The following CDC16 variants were observed in gnomAD, a reference collection of about 807,000 sequenced individuals.
CDC16 encodes the protein cell division cycle protein 16 homolog.
A neutral mutation model predicts 87.0 loss-of-function variants in CDC16; 34 were observed. The observed-to-expected ratio is 0.39, with a 90% confidence interval of 0.30 to 0.52. The LOEUF (loss-of-function observed/expected upper bound fraction) is 0.52. Among genes scored for constraint, CDC16 ranks in the 20% least tolerant of loss-of-function variants. The pLI is 0.74. For synonymous variants in CDC16, 263 were observed against 260.6 expected (o/e 1.01, Z -0.09); for missense variants, 653 against 751.9 (o/e 0.87, Z 1.54).
intron 14 of CDC16, among the ~76,000 whole-genome samples, chr13:114,261,457 A>G (rs1298114552): frequency 1.3e-5 from 2 of 152,080 alleles, no homozygotes; most frequent in Non-Finnish European, 2.9e-5. Context: ...TGGGGGTGCC[A>G]TTCACTGACT....
chr13:114,272,336 T>G lies in CDC16; in HGVS notation c.1756T>G (p.Ser586Ala). 3 of 1,614,186 alleles carry G rather than the reference T, an allele frequency of 1.9e-6. No homozygotes were observed. Among genetic ancestry groups the G allele is most frequent in the Non-Finnish European group, 2.5e-6 (3 of 1,179,992 alleles). Residue 586 changes from serine (S) to alanine (A), a missense_variant, in exon 18 of 18, where the codon TCA becomes GCA. Physicochemically the swap from Ser to Ala is moderately conservative, Grantham distance 99. Transcript: ENST00000356221. ...AACGGGGCTTACGCCATTGGAAACC[T>G]CAAGGAAAACTCCAGATTCCAGACC... ...EETGLTPLETSRKTPDSRPSL... is the reference protein window; with the variant it reads ...EETGLTPLETARKTPDSRPSL...
chr13:114,261,816 A>G, intron 14 of CDC16, 71 bp from the exon 15 acceptor site: 1 of 1,074,044 alleles, frequency 9.3e-7, no homozygotes, highest in South Asian at 1.5e-5. Flanking sequence ...GGCGTGAAAT[A>G]ATTCAGTGCA....
At chr13:114,260,611 C>T (rs1047169869) in intron 14 of CDC16, among the ~76,000 whole-genome samples, 1 of 152,146 alleles carries the variant, frequency 6.6e-6, no homozygotes, top group Non-Finnish European at 1.5e-5. Context: ...GATTAAGGGG[C>T]ACTAAATTTA....
intron 5 of CDC16, 45 bp from the exon 6 acceptor site, chr13:114,242,070 GTTAAGT>G (rs771664308): frequency 2.0e-6 from 3 of 1,534,742 alleles, no homozygotes; most frequent in Non-Finnish European, 2.6e-6. Flanking sequence ...AAAAAAAAAA[GTTAAGT>G]TTAAAAGTAC....
intron 6 of CDC16, 104 bp downstream of exon 6, chr13:114,242,384 T>G: frequency 1.0e-6 from 1 of 989,808 alleles, no homozygotes; most frequent in Non-Finnish European, 1.5e-6. Context: ...ACATACAGGT[T>G]TAAATAGACC....
intron 13 of CDC16, 34 bp from the exon 14 acceptor site, chr13:114,259,301 G>A (rs752358343): frequency 2.0e-5 from 30 of 1,521,174 alleles, no homozygotes; most frequent in Middle Eastern, 1.9e-4. Flanking sequence ...TGCTAATTTC[G>A]AATAATCTGC....
chr13:114,257,374 AAAG>A (rs1459006001), intron 13 of CDC16, 144 bp downstream of exon 13: 8 of 596,296 alleles, frequency 1.3e-5, no homozygotes, highest in East Asian at 6.0e-5. Context: ...GATAGAAAAA[AAAG>A]AGAGAAACTG....
chr13:114,241,090 G>A (rs146115668), intron 5 of CDC16, among the ~76,000 whole-genome samples: 4 of 151,986 alleles, frequency 2.6e-5, no homozygotes, highest in African/African-American at 7.3e-5. Flanking sequence ...TTATGTGTTC[G>A]AGGTCCAGAG....
At chr13:114,261,334 G>T (rs1295153492) in intron 14 of CDC16, among the ~76,000 whole-genome samples, 1 of 152,014 alleles carries the variant, frequency 6.6e-6, no homozygotes, top group Non-Finnish European at 1.5e-5. Context: ...TTTATGATTG[G>T]GGCCCAGATT....
At chr13:114,270,914 C>CTTTTTTT (rs571053869) in intron 17 of CDC16, among the ~76,000 whole-genome samples, 4 of 101,140 alleles carry the variant, frequency 4.0e-5, no homozygotes, top group African/African-American at 1.1e-4. Context: ...AGAGATTTAC[C>CTTTTTTT]TTTTTTTTTT....
chr13:114,272,077 T>G, intron 17 of CDC16, 107 bp from the exon 18 acceptor site: 1 of 627,454 alleles, frequency 1.6e-6, no homozygotes, highest in South Asian at 2.6e-5. Context: ...TATTTTATTC[T>G]AAATAGTATA....
Position 114,238,044 on chromosome 13 carries a change from G to T in CDC16, c.202-946G>T, listed in dbSNP as rs191106820. Among the ~76,000 whole-genome samples the T allele has an allele frequency of 6.2e-3, 939 of 151,970 alleles. 8 individuals are homozygous for T. Among genetic ancestry groups the T allele is most frequent in the African/African-American group, 0.022 (901 of 41,504 alleles). On this transcript the variant is annotated intron_variant, in intron 3 of 17. Transcript: ENST00000356221. ...TACCTGGAGCACGTGCTCCAGTCAC[G>T]TGGTGCTGCTGTGAGCTCCTTGGAC...
In CDC16 at chr13:114,238,297, C is replaced by T. The variant is rs113842621; in HGVS notation, c.202-693C>T. On this transcript the variant is annotated intron_variant, in intron 3 of 17. Transcript: ENST00000356221. ...GTGGAGCTGCTGTGAGCTCCTCGGA[C>T]GCCCAGCAGTTATTCACACTCAGGG... Among the ~76,000 whole-genome samples the T allele has an allele frequency of 4.3e-3, 629 of 146,536 alleles. 1 individual carries two copies. The highest frequency in any genetic ancestry group is 7.6e-3 in the Non-Finnish European group (507 of 67,108).
intron 12 of CDC16, among the ~76,000 whole-genome samples, chr13:114,253,582 C>G (rs556758308): frequency 1.1e-4 from 16 of 151,034 alleles, no homozygotes; most frequent in Middle Eastern, 3.4e-3. Context: ...CCCAGCTACT[C>G]GGGAGGCTGA....
At chr13:114,239,515 C>T (rs2081435638) in intron 5 of CDC16, 25 bp downstream of exon 5, 2 of 1,516,062 alleles carry the variant, frequency 1.3e-6, no homozygotes, top group East Asian at 2.3e-5. Flanking sequence ...GAGCACAGCT[C>T]AGTAACGGCG....
At chr13:114,255,719 T>C (rs367561871) in intron 12 of CDC16, among the ~76,000 whole-genome samples, 86 of 152,350 alleles carry the variant, frequency 5.6e-4, no homozygotes, top group African/African-American at 1.9e-3. Flanking sequence ...CACAGCTCAC[T>C]GCATTCTCAA....
rs370515361 is a variant in CDC16 at position 114,250,678 on chromosome 13, C to T, written c.1097+4C>T. 23 of 1,613,190 alleles carry T rather than the reference C, an allele frequency of 1.4e-5. No individual in the cohort carries two copies. The highest frequency in any genetic ancestry group is 5.5e-5 in the South Asian group (5 of 91,024). On this transcript the variant is annotated splice_donor_region_variant and intron_variant, in intron 12 of 17. Coordinates refer to ENST00000356221, the MANE Select transcript of CDC16 (RefSeq NM_001078645.3). The stretch of plus-strand genomic sequence containing the variant: ...CAGCAGCACAGCTGATGAAAGGGTA[C>T]GGCAGAGCAAACTCATCAAACTCCA...
At chr13:114,253,263 G>T (rs2082297703) in intron 12 of CDC16, among the ~76,000 whole-genome samples, 1 of 152,130 alleles carries the variant, frequency 6.6e-6, no homozygotes, top group South Asian at 2.1e-4. Context: ...TGAGTCATTG[G>T]TTATTTAAGA....
intron 12 of CDC16, among the ~76,000 whole-genome samples, chr13:114,255,536 A>G (rs1334240677): frequency 1.3e-5 from 2 of 152,188 alleles, no homozygotes; most frequent in Non-Finnish European, 1.5e-5. Flanking sequence ...CTCAAAAAGA[A>G]TTGCTCACTG....
Sources: gnomAD v4.1 joint callset for allele counts (sites outside exome capture counted in the v4.1 genomes callset) on GRCh38, gnomAD v4.1.1 for gene constraint, MANE v1.5 for transcripts, NCBI Gene and HGNC (gene_info 2026-07-23, HGNC 2026-07-21) for gene names.